The following WWOX variants were observed in gnomAD, a reference collection of about 807,000 sequenced individuals.
WWOX encodes the protein WW domain containing oxidoreductase.
In WWOX, 69 loss-of-function variants were observed where a neutral mutation model predicts 46.2. The ratio of observed to expected loss-of-function variants is 1.49; its 90% CI spans 1.23 to 1.82. The LOEUF (loss-of-function observed/expected upper bound fraction) is 1.82, where lower values mean the gene tolerates loss of function less well. WWOX is among the 40% of genes most tolerant of loss of function. The pLI is 0.00. For synonymous variants in WWOX, 359 were observed against 202.6 expected (o/e 1.77, Z -6.56); for missense variants, 919 against 542.6 (o/e 1.69, Z -6.89).
chr16:78,392,283 C>G (rs186271970), intron 6 of WWOX, among the ~76,000 whole-genome samples: 1 of 152,068 alleles, frequency 6.6e-6, no homozygotes, highest in African/African-American at 2.4e-5. Context: ...GTGAGCCACA[C>G]ATGCAAGGGA....
intron 8 of WWOX, among the ~76,000 whole-genome samples, chr16:78,981,071 C>G (rs1206625961): frequency 6.6e-6 from 1 of 152,190 alleles, no homozygotes; most frequent in Non-Finnish European, 1.5e-5. Context: ...TTGCAGACCC[C>G]TGGGAGCCTC....
At chr16:78,189,181 A>T (rs531178427) in intron 5 of WWOX, among the ~76,000 whole-genome samples, 1 of 152,178 alleles carries the variant, frequency 6.6e-6, no homozygotes, top group African/African-American at 2.4e-5. Context: ...TCTCAAGACT[A>T]GGAATACCTA....
intron 8 of WWOX, among the ~76,000 whole-genome samples, chr16:78,521,860 A>G (rs2043355059): frequency 6.6e-6 from 1 of 151,920 alleles, no homozygotes; most frequent in Non-Finnish European, 1.5e-5. Flanking sequence ...TGTGTGTGGG[A>G]CTGGGGTGGC....
intron 8 of WWOX, among the ~76,000 whole-genome samples, chr16:79,052,304 C>G (rs149249434): frequency 6.8e-5 from 10 of 148,022 alleles, no homozygotes; most frequent in Non-Finnish European, 1.2e-4. Flanking sequence ...GTGTTTTGTT[C>G]TTGCGATAGT....
intron 8 of WWOX, among the ~76,000 whole-genome samples, chr16:78,737,198 C>T (rs1567526364): frequency 6.6e-6 from 1 of 151,950 alleles, no homozygotes; most frequent in Non-Finnish European, 1.5e-5. Context: ...CTCCCATGTT[C>T]AAGCTATTTT....
chr16:78,860,617 G>A (rs2052694102), intron 8 of WWOX, among the ~76,000 whole-genome samples: 1 of 152,212 alleles, frequency 6.6e-6, no homozygotes, highest in African/African-American at 2.4e-5. Flanking sequence ...GAGAAGGTAA[G>A]GCAACAAACA....
chr16:78,115,046 C>G lies in WWOX; in HGVS notation c.301C>G (p.Pro101Ala), dbSNP rs574637594. ...TACTGTGGATGATAATCCGACCAAG[C>G]CAACCACCCGGCAAAGATACGACGG... Reference protein sequence around the residue: ...AFTVDDNPTKPTTRQRYDGST... With the variant: ...AFTVDDNPTKATTRQRYDGST... Residue 101 changes from proline to alanine, a missense_variant, in exon 4 of 9, where the codon CCA becomes GCA. By Grantham distance (27) the Pro-to-Ala change is conservative. Transcript: ENST00000566780. The G allele has an allele frequency of 1.9e-5, 30 of 1,614,206 alleles. No homozygotes were observed. The East Asian group carries it at 5.1e-4, about 28-fold the overall frequency.
intron 5 of WWOX, among the ~76,000 whole-genome samples, chr16:78,374,173 C>G (rs1337741448): frequency 6.6e-6 from 1 of 152,214 alleles, no homozygotes; most frequent in East Asian, 1.9e-4. Context: ...CATTTGGAAG[C>G]TAATGATTCT....
At chr16:78,566,518 G>A (rs1289254754) in intron 8 of WWOX, among the ~76,000 whole-genome samples, 3 of 152,196 alleles carry the variant, frequency 2.0e-5, no homozygotes, top group African/African-American at 7.2e-5. Context: ...AGGCATCCAT[G>A]TGAGGCACAG....
At chr16:78,669,511 C>G (rs1320887235) in intron 8 of WWOX, among the ~76,000 whole-genome samples, 1 of 152,142 alleles carries the variant, frequency 6.6e-6, no homozygotes, top group African/African-American at 2.4e-5. Context: ...GCTGACTATC[C>G]TACAATCCAT....
At chr16:78,366,334 C>G (rs1044274124) in intron 5 of WWOX, among the ~76,000 whole-genome samples, 1 of 152,172 alleles carries the variant, frequency 6.6e-6, no homozygotes. Flanking sequence ...CCTCCTATGC[C>G]TATCCACACA....
At chr16:78,603,143 C>T (rs1355899663) in intron 8 of WWOX, among the ~76,000 whole-genome samples, 1 of 152,220 alleles carries the variant, frequency 6.6e-6, no homozygotes, top group Non-Finnish European at 1.5e-5. Context: ...TTGGGCAAGG[C>T]TCTGTGCTAT....
At chr16:79,073,450 G>C (rs1394730989) in intron 8 of WWOX, among the ~76,000 whole-genome samples, 2 of 152,088 alleles carry the variant, frequency 1.3e-5, no homozygotes, top group African/African-American at 4.8e-5. Flanking sequence ...AAAGTGCTGG[G>C]GTTTCAAGCA....
Position 78,353,232 on chromosome 16 carries a change from G to A in WWOX, c.517-33628G>A, listed in dbSNP as rs553260838. The stretch of plus-strand genomic sequence containing the variant: ...GCAAAGAGGATTTGAGATTGTTTAT[G>A]TAGGGGCCCGTGTATAATACCTCAA... On this transcript the variant is annotated intron_variant, in intron 5 of 8. Coordinates refer to ENST00000566780, the MANE Select transcript of WWOX (RefSeq NM_016373.4). 3.9e-5 allele frequency among the ~76,000 whole-genome samples: 6 copies of A among 152,284 alleles called. No individual in the cohort carries two copies. In the South Asian group the frequency reaches 1.0e-3, roughly 26 times the overall value.
At chr16:78,104,290 A>G (rs1181025408) in intron 1 of WWOX, among the ~76,000 whole-genome samples, 3 of 142,418 alleles carry the variant, frequency 2.1e-5, no homozygotes, top group African/African-American at 5.3e-5. Flanking sequence ...CTCACTGTCA[A>G]CTCTAGATCT....
At chr16:79,201,027 T>C (rs2051338583) in intron 8 of WWOX, among the ~76,000 whole-genome samples, 1 of 152,202 alleles carries the variant, frequency 6.6e-6, no homozygotes, top group African/African-American at 2.4e-5. Context: ...GGCCAAATGT[T>C]ATCACTCATC....
At chr16:78,932,174 T>G (rs1457003019) in intron 8 of WWOX, among the ~76,000 whole-genome samples, 1 of 152,196 alleles carries the variant, frequency 6.6e-6, no homozygotes, top group Admixed American at 6.5e-5. Context: ...TCTGAGGGGC[T>G]TGACTCCCAG....
At chr16:78,770,331 A>G (rs1054832199) in intron 8 of WWOX, among the ~76,000 whole-genome samples, 2 of 151,736 alleles carry the variant, frequency 1.3e-5, no homozygotes, top group Non-Finnish European at 2.9e-5. Context: ...AGCCTGGGCC[A>G]TAGAGTGAGA....
rs2288035 is a variant in WWOX, at chr16:79,212,033, G to A, written c.*237G>A. On this transcript the variant is annotated 3_prime_UTR_variant, in exon 9 of 9. Transcript: ENST00000566780. Reference sequence around the variant, plus strand: ...GCATAGGTCTCTTTGCTTTCTGGTGGTGGCCTGTTTGAAAGTAAAAACCTG... The same window carrying A: ...GCATAGGTCTCTTTGCTTTCTGGTGATGGCCTGTTTGAAAGTAAAAACCTG... 6.5e-7 allele frequency: 1 copy of A among 1,536,108 alleles called. No homozygotes were observed. The highest frequency in any genetic ancestry group is 8.7e-7 in the Non-Finnish European group (1 of 1,146,926).
Sources: gnomAD v4.1 joint callset for allele counts (sites outside exome capture counted in the v4.1 genomes callset) on GRCh38, gnomAD v4.1.1 for gene constraint, MANE v1.5 for transcripts, NCBI Gene and HGNC (gene_info 2026-07-23, HGNC 2026-07-21) for gene names.